Variants in ITGA5 observed in about 807,000 individuals in gnomAD.
ITGA5 encodes the protein integrin alpha-5.
A neutral mutation model predicts 146.3 loss-of-function variants in ITGA5; 55 were observed. That is an observed-to-expected ratio of 0.38 (90% CI 0.30 to 0.47). The LOEUF (loss-of-function observed/expected upper bound fraction) is 0.47. Ranked by LOEUF, ITGA5 falls within the 20% of genes least tolerant of loss-of-function variation. The pLI is 0.99. For synonymous variants in ITGA5, 500 were observed against 531.8 expected (o/e 0.94, Z 0.82); for missense variants, 1,131 against 1,329.0 (o/e 0.85, Z 2.32).
In ITGA5 at chr12:54,405,243, AGGGTAAG is replaced by A. The variant is rs1419779807; in HGVS notation, c.1141_1147del (p.Leu381SerfsTer14). ...TCGGCCAAACTCATCATGGCCAGTG[AGGGTAAG>A]GGTGGGCGTGGGCTCTATGCCGGCT... is the stretch of plus-strand genomic sequence containing the variant. On this transcript the variant is annotated frameshift_variant, in exon 12 of 30. Transcript: ENST00000293379. LOFTEE classifies it high-confidence loss of function. 6.2e-7 allele frequency: 1 copy of A among 1,613,322 alleles called. No homozygotes were observed. The highest frequency in any genetic ancestry group is 2.2e-5 in the East Asian group (1 of 44,856).
chr12:54,401,624 CG>C lies in ITGA5; in HGVS notation c.2347del (p.Arg783GlyfsTer12), dbSNP rs1565638935. ...NNSQSDVVSF[R>X]LSVEAQAQVT... Reference sequence around the variant, plus strand: ...CTGGGCCTGAGCCTCCACGGAGAGCCGAAAGGAAACCACGTCGCTTTGCGAG... The same window carrying C: ...CTGGGCCTGAGCCTCCACGGAGAGCCAAAGGAAACCACGTCGCTTTGCGAG... On this transcript the variant is annotated frameshift_variant, in exon 23 of 30. Transcript: ENST00000293379. LOFTEE classifies it high-confidence loss of function. The surrounding 1 kb of genome is among the most constrained non-coding windows in gnomAD (Gnocchi z 5.0). 6.2e-7 allele frequency: 1 copy of C among 1,614,138 alleles called. No homozygotes were observed. Among genetic ancestry groups the C allele is most frequent in the South Asian group, 1.1e-5 (1 of 91,076 alleles).
intron 13 of ITGA5, 91 bp downstream of exon 13, chr12:54,404,612 A>AC (rs1380622559): frequency 6.7e-7 from 1 of 1,490,026 alleles, no homozygotes; most frequent in Non-Finnish European, 9.4e-7. Context: ...CCAGAACTGC[A>AC]CCCAGGAACT....
chr12:54,400,048 C>T lies in ITGA5; in HGVS notation c.2644-101G>A, dbSNP rs1955768498. The T allele has an allele frequency of 7.5e-6, 6 of 802,390 alleles. No homozygotes were observed. In the East Asian group the frequency reaches 1.0e-4, roughly 13 times the overall value. 49.7% of individuals were successfully genotyped at this position (802,390 alleles called of 1,614,324 possible). A position where few individuals can be genotyped will look rare whatever the true frequency, so the allele number is the denominator to read the frequency against. On this transcript the variant is annotated intron_variant, in intron 25 of 29. Coordinates refer to ENST00000293379, the MANE Select transcript of ITGA5 (RefSeq NM_002205.5). ...AGCTTCAACCTATTCTTTCATCTATCTCTTTATTGATTCATCCAACTGTCC... is the reference window on the plus strand; with the variant it reads ...AGCTTCAACCTATTCTTTCATCTATTTCTTTATTGATTCATCCAACTGTCC...
intron 1 of ITGA5, among the ~76,000 whole-genome samples, chr12:54,415,413 C>T (rs1026621222): frequency 7.9e-5 from 12 of 152,164 alleles, no homozygotes; most frequent in African/African-American, 1.7e-4. Context: ...AGACTGGCCT[C>T]GTTCTGACAC....
chr12:54,409,854 C>T lies in ITGA5; in HGVS notation c.350-257G>A, dbSNP rs926769212. 21 of 344,226 alleles carry T rather than the reference C, an allele frequency of 6.1e-5. No individual in the cohort carries two copies. Among genetic ancestry groups the T allele is most frequent in the Middle Eastern group, 1.6e-3 (2 of 1,232 alleles). 21.3% of individuals were successfully genotyped at this position (344,226 alleles called of 1,614,324 possible). On this transcript the variant is annotated intron_variant, in intron 2 of 29. Transcript: ENST00000293379. The surrounding 1 kb of genome is among the most constrained non-coding windows in gnomAD (Gnocchi z 4.7). Reference sequence around the variant, plus strand: ...CACACGCACGCACACGCACACAGAACCTGGGCTTTCTTTTTTTTTTGAGAT... The same window carrying T: ...CACACGCACGCACACGCACACAGAATCTGGGCTTTCTTTTTTTTTTGAGAT...
intron 9 of ITGA5, chr12:54,406,167 C>G (rs1955863845): frequency 1.7e-6 from 1 of 581,666 alleles, no homozygotes; most frequent in South Asian, 2.0e-5. Context: ...TTGTATTTAT[C>G]TGTTCGTTGT....
At position 54,416,208 on chromosome 12, in the gene ITGA5, T is replaced by C. The variant is rs567120862; in HGVS notation, c.218+2773A>G. ...CCTCAGTTTCCCGAGTAGCTGGGAT[T>C]ACAGGTGCGTGCCAGCACGCTCGGC... On this transcript the variant is annotated intron_variant, in intron 1 of 29. Transcript: ENST00000293379. The surrounding 1 kb of genome is among the most constrained non-coding windows in gnomAD (Gnocchi z 4.1). Among the ~76,000 whole-genome samples the C allele has an allele frequency of 6.6e-6, 1 of 152,330 alleles. No individual in the cohort carries two copies. Among genetic ancestry groups the C allele is most frequent in the South Asian group, 2.1e-4 (1 of 4,832 alleles).
At chr12:54,402,933 A>C (rs1448635385) in intron 19 of ITGA5, 50 bp downstream of exon 19, 1 of 1,504,710 alleles carries the variant, frequency 6.6e-7, no homozygotes, top group South Asian at 1.1e-5. Context: ...TGATTTTTTC[A>C]GGTGCCAGGT....
chr12:54,403,880 G>C lies in ITGA5; in HGVS notation c.1621+31C>G. 6.2e-7 allele frequency: 1 copy of C among 1,612,672 alleles called. No homozygotes were observed. Among genetic ancestry groups the C allele is most frequent in the Non-Finnish European group, 8.5e-7 (1 of 1,178,720 alleles). ...CCCAGTCCCTTCATTCTCTGTCCTAGGGCCTGAGAGATCCAGGCAGTCTCC... is the reference window on the plus strand; with the variant it reads ...CCCAGTCCCTTCATTCTCTGTCCTACGGCCTGAGAGATCCAGGCAGTCTCC... On this transcript the variant is annotated intron_variant, in intron 16 of 29. Coordinates refer to ENST00000293379, the MANE Select transcript of ITGA5 (RefSeq NM_002205.5). This position sits in a 1 kb window ranked among gnomAD's most constrained non-coding sequence, Gnocchi z 4.9.
chr12:54,409,810 A>G lies in ITGA5; in HGVS notation c.350-213T>C, dbSNP rs1424995156. The G allele has an allele frequency of 4.4e-6, 2 of 451,830 alleles. No individual in the cohort carries two copies. The highest frequency in any genetic ancestry group is 8.1e-6 in the Non-Finnish European group (2 of 247,418). The allele number at this position is 451,830 out of a possible 1,614,324, so 28.0% of individuals were successfully genotyped here. A position where few individuals can be genotyped will look rare whatever the true frequency, so the allele number is the denominator to read the frequency against. ...ATCTCTCCACTACACACATACACAT[A>G]CACACACACACATACATACACACGC... On this transcript the variant is annotated intron_variant, in intron 2 of 29. Transcript: ENST00000293379. This position sits in a 1 kb window ranked among gnomAD's most constrained non-coding sequence, Gnocchi z 4.7.
Position 54,408,883 on chromosome 12 carries a change from ACT to A in ITGA5, c.645+8_645+9del. 6.2e-7 allele frequency: 1 copy of A among 1,613,576 alleles called. No individual in the cohort carries two copies. Among genetic ancestry groups the A allele is most frequent in the Non-Finnish European group, 8.5e-7 (1 of 1,179,806 alleles). On this transcript the variant is annotated splice_region_variant and intron_variant, in intron 5 of 29. Coordinates refer to ENST00000293379, the MANE Select transcript of ITGA5 (RefSeq NM_002205.5). ...CCCACGGCCCCTTCTCTCCCAGACC[ACT>A]CTCTCACCTTGGTGAACTCGGCACT... is the stretch of plus-strand genomic sequence containing the variant.
In ITGA5 at chr12:54,402,188, G is replaced by T; in HGVS notation, c.2125C>A (p.His709Asn). Residue 709 changes from histidine (H) to asparagine (N), a missense_variant, in exon 20 of 30, where the codon CAC becomes AAC. His to Asn is a moderately conservative substitution (Grantham distance 68, BLOSUM62 1). This residue lies in a region of ITGA5 where 889 missense variants were observed against 1,021.5 expected (regional missense o/e 0.87). Coordinates refer to ENST00000293379, the MANE Select transcript of ITGA5 (RefSeq NM_002205.5). Reference sequence around the variant, plus strand: ...CGAGAGTCTCATCTCACCCCTGGGTGTCTGACGAGTCCTGAGTACTCAGCC... The same window carrying T: ...CGAGAGTCTCATCTCACCCCTGGGTTTCTGACGAGTCCTGAGTACTCAGCC... The part of the protein sequence containing the change: ...PEAEYSGLVR[H>N]PGNFSSLSCD... 2 of 1,613,516 alleles carry T rather than the reference G, an allele frequency of 1.2e-6. No homozygotes were observed. Among genetic ancestry groups the T allele is most frequent in the Non-Finnish European group, 1.7e-6 (2 of 1,179,550 alleles).
At chr12:54,415,493 C>A (rs1466951073) in intron 1 of ITGA5, among the ~76,000 whole-genome samples, 2 of 152,208 alleles carry the variant, frequency 1.3e-5, no homozygotes, top group South Asian at 4.1e-4. Flanking sequence ...AAAACTATCT[C>A]AGAGGAGTTA....
intron 1 of ITGA5, 147 bp downstream of exon 1, chr12:54,418,834 A>C (rs1012820672): frequency 1.1e-5 from 11 of 990,226 alleles, no homozygotes; most frequent in African/African-American, 1.7e-5. Flanking sequence ...CGGGCCCCCA[A>C]CTCTAGCCAG....
chr12:54,408,084 C>T lies in ITGA5; in HGVS notation c.817+26G>A, dbSNP rs750661120. 2.5e-6 allele frequency: 4 copies of T among 1,613,598 alleles called. No homozygotes were observed. The South Asian group carries it at 4.4e-5, about 18-fold the overall frequency. ...GGAGCACTTGAGGTTCTCCCTCTGC[C>T]ATCCCTTCCCCACTTGCTTGCTCAC... On this transcript the variant is annotated intron_variant, in intron 7 of 29. Transcript: ENST00000293379.
In ITGA5 at chr12:54,402,205, T is replaced by C. The variant is rs779684978; in HGVS notation, c.2108A>G (p.Tyr703Cys). 6.2e-7 allele frequency: 1 copy of C among 1,613,890 alleles called. No individual in the cohort carries two copies. Among genetic ancestry groups the C allele is most frequent in the South Asian group, 1.1e-5 (1 of 91,054 alleles). The stretch of plus-strand genomic sequence containing the variant: ...CCCTGGGTGTCTGACGAGTCCTGAG[T>C]ACTCAGCCTCTGGAGGGGCGGTGAC... ...LRVTAPPEAE[Y>C]SGLVRHPGNF... Residue 703 changes from tyrosine (Y) to cysteine (C), a missense_variant, in exon 20 of 30, where the codon TAC becomes TGC. Tyr to Cys is a radical substitution (Grantham distance 194). Around this residue, in one of 3 missense-constraint regions of ITGA5, gnomAD observed 889 missense variants for 1,021.5 expected, o/e 0.87. Coordinates refer to ENST00000293379, the MANE Select transcript of ITGA5 (RefSeq NM_002205.5).
chr12:54,398,895 A>G lies in ITGA5; in HGVS notation c.2842-197T>C, dbSNP rs576157091. 8.6e-6 allele frequency: 4 copies of G among 466,262 alleles called. No individual in the cohort carries two copies. In the East Asian group the frequency reaches 1.2e-4, roughly 14 times the overall value. The allele number at this position is 466,262 out of a possible 1,614,324, so 28.9% of individuals were successfully genotyped here. Reference sequence around the variant, plus strand: ...CACTCTGTCCCCCAGGCTGGAGTGCAGTGGTGTGGGCTTAGGTCACTGCAA... The same window carrying G: ...CACTCTGTCCCCCAGGCTGGAGTGCGGTGGTGTGGGCTTAGGTCACTGCAA... On this transcript the variant is annotated intron_variant, in intron 27 of 29. Transcript: ENST00000293379.
chr12:54,399,537 TG>T, intron 27 of ITGA5, 107 bp downstream of exon 27: 1 of 780,858 alleles, frequency 1.3e-6, no homozygotes. Flanking sequence ...GCTGGAGTGC[TG>T]GGTCCCATTC....
chr12:54,408,482 C>T (rs111710801), intron 6 of ITGA5, among the ~76,000 whole-genome samples: 3,324 of 152,076 alleles, frequency 0.022, 74 homozygotes, highest in South Asian at 0.087. Flanking sequence ...AATCCCAGCA[C>T]TTTGAGAGGC....
Sources: allele counts gnomAD v4.1 joint callset (sites outside exome capture counted in the v4.1 genomes callset), GRCh38; gene constraint gnomAD v4.1.1; regional missense constraint gnomAD v4.1.1; non-coding constraint Gnocchi (gnomAD v3.1); transcripts MANE v1.5; gene names NCBI Gene and HGNC (gene_info 2026-07-23, HGNC 2026-07-21).